ZNF676: variants seen among roughly 807,000 people sequenced by gnomAD.
The protein encoded by ZNF676 is zinc finger protein 676.
Under a neutral mutation model 6.0 loss-of-function variants are expected in ZNF676, and 4 were observed. The observed-to-expected ratio is 0.67, with a 90% CI of 0.33 to 1.53. The LOEUF is 1.53. Among genes scored for constraint, ZNF676 ranks in the 40% most tolerant of loss-of-function variants. ZNF676 has a pLI of 0.06. For synonymous variants in ZNF676, 198 were observed against 223.1 expected (o/e 0.89, Z 1.00); for missense variants, 644 against 679.7 (o/e 0.95, Z 0.58).
At chr19:22,228,654 A>C in the ZNF676 span, among the ~76,000 whole-genome samples, 1 of 152,214 alleles carries the variant, frequency 6.6e-6, no homozygotes, top group Non-Finnish European at 1.5e-5. Flanking sequence ...AACTTCAGCA[A>C]AGTCTCAGGA....
chr19:22,254,676 G>C, the ZNF676 span, among the ~76,000 whole-genome samples: 4 of 152,312 alleles, frequency 2.6e-5, no homozygotes, highest in Non-Finnish European at 5.9e-5. Context: ...CATCACAAAA[G>C]TGTTTGGTCC....
chr19:22,229,539 AG>A, the ZNF676 span, among the ~76,000 whole-genome samples: 17 of 152,362 alleles, frequency 1.1e-4, no homozygotes, highest in African/African-American at 3.8e-4. Context: ...GCACAGCAAA[AG>A]AAACTATCAT....
In ZNF676 at chr19:22,181,457, T is replaced by C. The variant is rs776130862; in HGVS notation, c.260A>G (p.Asn87Ser). The C allele has an allele frequency of 1.2e-5, 19 of 1,613,538 alleles. No individual in the cohort carries two copies. The highest frequency in any genetic ancestry group is 3.3e-5 in the Admixed American group (2 of 59,952). The change falls in exon 3 of 3, where the codon AAT becomes AGT. Residue 87 changes from asparagine to serine, a missense_variant. Asn to Ser is a conservative substitution (Grantham distance 46, BLOSUM62 1). Around this residue, in one of 5 missense-constraint regions of ZNF676, gnomAD observed 280 missense variants for 269.3 expected, o/e 1.04. Transcript: ENST00000397121. ...ENLHLKISCT[N>S]VDECNVHKEG... Reference sequence around the variant, plus strand: ...TTTGTGCACGTTACACTCATCCACATTGGTACAACTAATTTTTAAGTGTAA... The same window carrying C: ...TTTGTGCACGTTACACTCATCCACACTGGTACAACTAATTTTTAAGTGTAA...
the ZNF676 span, among the ~76,000 whole-genome samples, chr19:22,253,402 G>T: frequency 0.023 from 2,417 of 106,328 alleles, 106 homozygotes; most frequent in African/African-American, 0.092. Flanking sequence ...ATATGATAAT[G>T]TGTATATATA....
the ZNF676 span, among the ~76,000 whole-genome samples, chr19:22,233,950 C>G: frequency 1.3e-5 from 2 of 152,248 alleles, no homozygotes; most frequent in East Asian, 3.8e-4. Flanking sequence ...GGTCCATCCA[C>G]ATACCTCTTC....
At chr19:22,200,515 A>ATTTTTTTTTTTTTTTTTTTTTTTTT (rs3035052), upstream of ZNF676, among the ~76,000 whole-genome samples, 1 of 105,850 alleles carries the variant, frequency 9.4e-6, no homozygotes, top group South Asian at 3.4e-4. Flanking sequence ...TGCTTCATCA[A>ATTTTTTTTTTTTTTTTTTTTTTTTT]TTTTTTTTTT....
chr19:22,187,726 AG>A (rs1456524414), intron 2 of ZNF676, among the ~76,000 whole-genome samples: 4 of 152,198 alleles, frequency 2.6e-5, no homozygotes, highest in Non-Finnish European at 5.9e-5. Context: ...CTACCATGAG[AG>A]AATACTATAA....
intron 1 of ZNF676, among the ~76,000 whole-genome samples, chr19:22,195,598 G>C (rs2023959073): frequency 6.6e-6 from 1 of 152,166 alleles, no homozygotes; most frequent in African/African-American, 2.4e-5. Context: ...AGCCAACCAA[G>C]CATGGCTACT....
At chr19:22,212,898 G>C (rs546235373) in intron 1 of ZNF676, among the ~76,000 whole-genome samples, 7 of 151,872 alleles carry the variant, frequency 4.6e-5, no homozygotes, top group African/African-American at 1.4e-4. Flanking sequence ...GGGAGGCTGC[G>C]GCAGAAGAAT....
At chr19:22,216,427 C>T (rs1287554644), upstream of ZNF676, among the ~76,000 whole-genome samples, 1 of 150,472 alleles carries the variant, frequency 6.6e-6, no homozygotes, top group Admixed American at 6.6e-5. Flanking sequence ...AAGAGTGAAA[C>T]GCCAGCTCAA....
At chr19:22,185,122 G>A (rs2023818157) in intron 2 of ZNF676, among the ~76,000 whole-genome samples, 1 of 152,216 alleles carries the variant, frequency 6.6e-6, no homozygotes. Context: ...AGAGAGCTCT[G>A]GCTGGCATCT....
At chr19:22,247,596 C>T in the ZNF676 span, among the ~76,000 whole-genome samples, 1 of 151,028 alleles carries the variant, frequency 6.6e-6, no homozygotes, top group Non-Finnish European at 1.5e-5. Flanking sequence ...GTTAGAGGCC[C>T]CTCTCAGTAA....
chr19:22,220,446 C>T (rs559032550), upstream of ZNF676, among the ~76,000 whole-genome samples: 22 of 144,636 alleles, frequency 1.5e-4, no homozygotes, highest in South Asian at 4.4e-3. Context: ...TTGTCCTGGA[C>T]GTTTTTTGTT....
chr19:22,193,706 T>C (rs949475715), intron 1 of ZNF676, among the ~76,000 whole-genome samples: 1 of 152,038 alleles, frequency 6.6e-6, no homozygotes, highest in Admixed American at 6.6e-5. Context: ...TACAAAAAAT[T>C]TTGCATGCTG....
At chr19:22,182,585 T>TTAAAAAAAAAAAAAAAAAA (rs376894161) in intron 2 of ZNF676, among the ~76,000 whole-genome samples, 2 of 45,066 alleles carry the variant, frequency 4.4e-5, no homozygotes, top group African/African-American at 2.1e-4. Flanking sequence ...GTCAAAGTTC[T>TTAAAAAAAAAAAAAAAAAA]AAAAAAAAAA....
At chr19:22,208,752 T>C (rs2144813980) in intron 1 of ZNF676, among the ~76,000 whole-genome samples, 1 of 152,128 alleles carries the variant, frequency 6.6e-6, no homozygotes, top group East Asian at 1.9e-4. Context: ...GAGACCGGCA[T>C]GGACAACATG....
chr19:22,192,933 A>C, intron 2 of ZNF676, 83 bp downstream of exon 2: 1 of 1,365,996 alleles, frequency 7.3e-7, no homozygotes, highest in East Asian at 2.7e-5. Context: ...TTTGGAACAC[A>C]GCTTCCCAAA....
chr19:22,240,690 G>C, the ZNF676 span, among the ~76,000 whole-genome samples: 2 of 151,932 alleles, frequency 1.3e-5, no homozygotes, highest in Admixed American at 1.3e-4. Flanking sequence ...CTACTCAGGA[G>C]ACTGAGACAG....
At chr19:22,236,355 C>A in the ZNF676 span, among the ~76,000 whole-genome samples, 2 of 152,066 alleles carry the variant, frequency 1.3e-5, no homozygotes, top group Admixed American at 1.3e-4. Context: ...TGGACCTGAG[C>A]TAAATTTCTA....
Sources: gnomAD v4.1 joint callset for allele counts (sites outside exome capture counted in the v4.1 genomes callset) on GRCh38, gnomAD v4.1.1 for gene constraint, gnomAD v4.1.1 regional missense constraint, MANE v1.5 for transcripts, NCBI Gene and HGNC (gene_info 2026-07-23, HGNC 2026-07-21) for gene names.